The following AGAP1 variants were observed in gnomAD, a reference collection of about 807,000 sequenced individuals.
AGAP1 encodes the protein arf-GAP with GTPase, ANK repeat and PH domain-containing protein 1.
A neutral mutation model predicts 105.3 loss-of-function variants in AGAP1; 29 were observed. The observed-to-expected ratio is 0.28, with a 90% CI of 0.21 to 0.38. AGAP1 has a LOEUF of 0.38. Ranked by LOEUF, AGAP1 falls within the 10% of genes least tolerant of loss-of-function variation. The pLI is 1.00. For missense variants in AGAP1, 998 were observed against 1,165.1 expected (o/e 0.86, Z 2.09); for synonymous variants, 509 against 485.9 (o/e 1.05, Z -0.63).
intron 1 of AGAP1, among the ~76,000 whole-genome samples, chr2:235,699,207 T>C (rs539839367): frequency 2.0e-5 from 3 of 151,982 alleles, no homozygotes; most frequent in Non-Finnish European, 4.4e-5. Flanking sequence ...GTGTTACTGC[T>C]GGGGCATGGG....
At chr2:235,510,737 G>T (rs1942034704) in intron 1 of AGAP1, among the ~76,000 whole-genome samples, 1 of 152,116 alleles carries the variant, frequency 6.6e-6, no homozygotes, top group African/African-American at 2.4e-5. Context: ...CCTTAAGAAA[G>T]AGCATTTGCC....
Position 235,887,929 on chromosome 2 carries a change from A to G in AGAP1, c.1155+4480A>G, listed in dbSNP as rs746857818. Among the ~76,000 whole-genome samples the G allele has an allele frequency of 2.0e-4, 30 of 152,132 alleles. No individual in the cohort carries two copies. The highest frequency in any genetic ancestry group is 4.0e-4 in the Non-Finnish European group (27 of 68,034). Reference sequence around the variant, plus strand: ...CGTGGAAGATTCAGACAGAGATGAGATAGGGCCGTGCGGCAGCCCATCACC... The same window carrying G: ...CGTGGAAGATTCAGACAGAGATGAGGTAGGGCCGTGCGGCAGCCCATCACC... On this transcript the variant is annotated intron_variant, in intron 10 of 17. Transcript: ENST00000304032. This position sits in a 1 kb window ranked among gnomAD's most constrained non-coding sequence, Gnocchi z 4.1.
chr2:235,869,860 C>G (rs1229835453), intron 9 of AGAP1, among the ~76,000 whole-genome samples: 1 of 152,208 alleles, frequency 6.6e-6, no homozygotes, highest in East Asian at 1.9e-4. Flanking sequence ...CAGGGTGTCT[C>G]CTCTTTACTT....
At chr2:235,722,111 G>A (rs1951415868) in intron 3 of AGAP1, among the ~76,000 whole-genome samples, 1 of 152,238 alleles carries the variant, frequency 6.6e-6, no homozygotes. Flanking sequence ...CCATCAAAGA[G>A]TAAACCTCTT....
rs183658579 is a variant in AGAP1 at position 235,970,655 on chromosome 2, G to A, written c.1645+2032G>A. On this transcript the variant is annotated intron_variant, in intron 13 of 17. Transcript: ENST00000304032. This position sits in a 1 kb window ranked among gnomAD's most constrained non-coding sequence, Gnocchi z 5.4. ...GGTGGGAACTGACCGTTGCCACTTA[G>A]ATACACGTTCATTATCCCACCCACG... 6.6e-6 allele frequency among the ~76,000 whole-genome samples: 1 copy of A among 152,342 alleles called. No individual in the cohort carries two copies. Among genetic ancestry groups the A allele is most frequent in the Non-Finnish European group, 1.5e-5 (1 of 68,026 alleles).
chr2:235,982,636 C>A lies in AGAP1; in HGVS notation c.1645+14013C>A, dbSNP rs150953355. Among the ~76,000 whole-genome samples, 428 of 152,356 alleles carry A rather than the reference C, an allele frequency of 2.8e-3. 1 individual carries two copies. The highest frequency in any genetic ancestry group is 9.9e-3 in the African/African-American group (411 of 41,590). On this transcript the variant is annotated intron_variant, in intron 13 of 17. Coordinates refer to ENST00000304032, the MANE Select transcript of AGAP1 (RefSeq NM_001037131.3). The surrounding 1 kb of genome is among the most constrained non-coding windows in gnomAD (Gnocchi z 4.9). ...CATAGAGAAGGTTTAGGCCCTGTTTCTTTTCGAGCAGCACAGAAATACTTG... is the reference window on the plus strand; with the variant it reads ...CATAGAGAAGGTTTAGGCCCTGTTTATTTTCGAGCAGCACAGAAATACTTG...
At position 235,627,518 on chromosome 2, in the gene AGAP1, C is replaced by T. The variant is rs148024290; in HGVS notation, c.164-81661C>T. 1.1e-4 allele frequency among the ~76,000 whole-genome samples: 17 copies of T among 152,224 alleles called. No homozygotes were observed. In the East Asian group the frequency reaches 3.1e-3, roughly 28 times the overall value. The stretch of plus-strand genomic sequence containing the variant: ...GGGATTACAGGCGTGAGCCACGGCG[C>T]CCGGCTATTTTGAGTTCTTTATGTT... On this transcript the variant is annotated intron_variant, in intron 1 of 17. Transcript: ENST00000304032.
rs773263350 is a variant in AGAP1 at position 235,744,064 on chromosome 2, G to A, written c.397-634G>A. Among the ~76,000 whole-genome samples the A allele has an allele frequency of 1.3e-5, 2 of 152,232 alleles. No individual in the cohort carries two copies. The highest frequency in any genetic ancestry group is 4.8e-5 in the African/African-American group (2 of 41,460). On this transcript the variant is annotated intron_variant, in intron 4 of 17. Coordinates refer to ENST00000304032, the MANE Select transcript of AGAP1 (RefSeq NM_001037131.3). The surrounding 1 kb of genome is among the most constrained non-coding windows in gnomAD (Gnocchi z 5.2). ...TACGGCAAAGCAAGAACAAAATGGC[G>A]AGAGTGAGGCTATTGTGAAGTTTTC...
rs1292685219 is a variant in AGAP1 at position 235,754,909 on chromosome 2, C to T, written c.673+4421C>T. Among the ~76,000 whole-genome samples the T allele has an allele frequency of 6.6e-6, 1 of 152,276 alleles. No individual in the cohort carries two copies. Among genetic ancestry groups the T allele is most frequent in the Non-Finnish European group, 1.5e-5 (1 of 68,054 alleles). The stretch of plus-strand genomic sequence containing the variant: ...GCTCAGGGGTGGAAAAGAAGTGTGG[C>T]AGCCCAGGCTGCTTTCTGGGGGTGG... On this transcript the variant is annotated intron_variant, in intron 6 of 17. Coordinates refer to ENST00000304032, the MANE Select transcript of AGAP1 (RefSeq NM_001037131.3). The surrounding 1 kb of genome is among the most constrained non-coding windows in gnomAD (Gnocchi z 4.6).
At chr2:235,911,595 A>G (rs983324566) in intron 11 of AGAP1, among the ~76,000 whole-genome samples, 1 of 152,232 alleles carries the variant, frequency 6.6e-6, no homozygotes, top group Non-Finnish European at 1.5e-5. Flanking sequence ...TAAGTAGATA[A>G]TACAAAGGCC....
intron 1 of AGAP1, among the ~76,000 whole-genome samples, chr2:235,603,304 G>A (rs992160506): frequency 1.3e-5 from 2 of 152,200 alleles, no homozygotes; most frequent in African/African-American, 4.8e-5. Context: ...GGAACTGTGA[G>A]TCCATTAAAC....
chr2:235,683,946 T>C (rs963443873), intron 1 of AGAP1, among the ~76,000 whole-genome samples: 4 of 149,574 alleles, frequency 2.7e-5, no homozygotes, highest in African/African-American at 7.4e-5. Context: ...GAACACATGG[T>C]GTGTTTGGTT....
intron 3 of AGAP1, among the ~76,000 whole-genome samples, chr2:235,738,530 T>A (rs1029143793): frequency 6.6e-6 from 1 of 152,030 alleles, no homozygotes; most frequent in Non-Finnish European, 1.5e-5. Flanking sequence ...CAGATTTCCT[T>A]TTCAAATGTT....
At chr2:235,626,243 A>G (rs1392498680) in intron 1 of AGAP1, among the ~76,000 whole-genome samples, 1 of 151,082 alleles carries the variant, frequency 6.6e-6, no homozygotes, top group Admixed American at 6.6e-5. Flanking sequence ...CTGTAATCCC[A>G]GCTACGCAGG....
In AGAP1 at chr2:235,662,039, G is replaced by T. The variant is rs1279721408; in HGVS notation, c.164-47140G>T. Among the ~76,000 whole-genome samples, 1 of 152,174 alleles carries T rather than the reference G, an allele frequency of 6.6e-6. No homozygotes were observed. The highest frequency in any genetic ancestry group is 1.5e-5 in the Non-Finnish European group (1 of 68,020). On this transcript the variant is annotated intron_variant, in intron 1 of 17. Transcript: ENST00000304032. The surrounding 1 kb of genome is among the most constrained non-coding windows in gnomAD (Gnocchi z 4.2). ...GCAGTGTTATCCTGGGTGAGTTGGGGTATGGCCATAGGAGGGGGCTCCAGG... is the reference window on the plus strand; with the variant it reads ...GCAGTGTTATCCTGGGTGAGTTGGGTTATGGCCATAGGAGGGGGCTCCAGG...
Position 235,717,168 on chromosome 2 carries a change from A to G in AGAP1, c.223-389A>G, listed in dbSNP as rs190541969. Among the ~76,000 whole-genome samples the G allele has an allele frequency of 1.5e-4, 22 of 150,750 alleles. No individual in the cohort carries two copies. The East Asian group carries it at 3.7e-3, about 25-fold the overall frequency. On this transcript the variant is annotated intron_variant, in intron 2 of 17. Transcript: ENST00000304032. ...GGGTCCTCGCCACTCTCCCCACGTC[A>G]CTCACCTCTGCCCTCGGGTGCCACC...
intron 16 of AGAP1, among the ~76,000 whole-genome samples, chr2:236,099,327 C>T (rs1319834473): frequency 2.6e-5 from 4 of 151,724 alleles, no homozygotes; most frequent in Admixed American, 6.6e-5. Context: ...TGGTGGCGAG[C>T]GCCTGTAGTC....
chr2:235,512,806 G>A (rs1942205308), intron 1 of AGAP1, among the ~76,000 whole-genome samples: 1 of 152,210 alleles, frequency 6.6e-6, no homozygotes, highest in Non-Finnish European at 1.5e-5. Flanking sequence ...GCGCCAGCCA[G>A]AGAATCTGCC....
intron 1 of AGAP1, among the ~76,000 whole-genome samples, chr2:235,567,935 GC>G (rs2149154541): frequency 6.6e-6 from 1 of 152,290 alleles, no homozygotes; most frequent in African/African-American, 2.4e-5. Flanking sequence ...ATGCACTGGC[GC>G]AGAACTGAGA....
Sources: gnomAD v4.1 joint callset for allele counts (sites outside exome capture counted in the v4.1 genomes callset) on GRCh38, gnomAD v4.1.1 for gene constraint, Gnocchi (gnomAD v3.1) non-coding constraint, MANE v1.5 for transcripts, NCBI Gene and HGNC (gene_info 2026-07-23, HGNC 2026-07-21) for gene names.